Variants in SNX29 observed in about 807,000 individuals in gnomAD.
The protein encoded by SNX29 is sorting nexin-29.
Under a neutral mutation model 102.1 loss-of-function variants are expected in SNX29, and 78 were observed. The ratio of observed to expected loss-of-function variants is 0.76; its 90% CI spans 0.64 to 0.92. The LOEUF (loss-of-function observed/expected upper bound fraction) is 0.92. Among genes scored for constraint, SNX29 ranks in the 40% least tolerant of loss-of-function variants. The pLI is 0.00. For synonymous variants in SNX29, 580 were observed against 414.5 expected (o/e 1.40, Z -4.85); for missense variants, 1,280 against 1,061.7 (o/e 1.21, Z -2.86).
intron 14 of SNX29, among the ~76,000 whole-genome samples, chr16:12,211,762 T>TTTTGTTTG (rs913462010): frequency 2.6e-5 from 4 of 152,170 alleles, no homozygotes; most frequent in African/African-American, 4.8e-5. Context: ...AACCTCCGTT[T>TTTTGTTTG]TTTGTTTGTT....
At chr16:12,544,382 C>T (rs954038360) in intron 20 of SNX29, among the ~76,000 whole-genome samples, 11 of 152,118 alleles carry the variant, frequency 7.2e-5, no homozygotes, top group East Asian at 1.9e-4. Flanking sequence ...GAGTGGAAGG[C>T]GTTGTGAGGT....
At chr16:12,539,282 T>C (rs2077217300) in intron 20 of SNX29, among the ~76,000 whole-genome samples, 3 of 151,570 alleles carry the variant, frequency 2.0e-5, no homozygotes, top group Admixed American at 2.0e-4. Flanking sequence ...AGCTGCACCC[T>C]CCCCCACCTC....
intron 11 of SNX29, among the ~76,000 whole-genome samples, chr16:12,109,706 G>T (rs1233164967): frequency 6.6e-6 from 1 of 151,776 alleles, no homozygotes; most frequent in Non-Finnish European, 1.5e-5. Context: ...AAGGCTCAAG[G>T]GTTAACCTGT....
intron 13 of SNX29, among the ~76,000 whole-genome samples, chr16:12,198,733 G>C (rs996232339): frequency 6.6e-5 from 10 of 152,198 alleles, no homozygotes; most frequent in African/African-American, 2.4e-4. Context: ...TGGCGACCTT[G>C]GTCAAACACC....
intron 3 of SNX29, among the ~76,000 whole-genome samples, chr16:12,010,296 G>A (rs1485636107): frequency 2.0e-5 from 3 of 152,168 alleles, no homozygotes; most frequent in Non-Finnish European, 4.4e-5. Flanking sequence ...GTGGCAGTGA[G>A]TTGGCTTCAG....
At chr16:12,532,300 G>A (rs2076952887) in intron 20 of SNX29, among the ~76,000 whole-genome samples, 1 of 152,210 alleles carries the variant, frequency 6.6e-6, no homozygotes, top group Non-Finnish European at 1.5e-5. Flanking sequence ...TTGGCATTCT[G>A]GACACCAGAC....
In SNX29 at chr16:12,568,573, TC is replaced by T. The variant is rs1342184645; in HGVS notation, c.2389del (p.Arg797GlyfsTer47). The T allele has an allele frequency of 6.2e-7, 1 of 1,607,722 alleles. No homozygotes were observed. The highest frequency in any genetic ancestry group is 1.3e-5 in the African/African-American group (1 of 74,882). On this transcript the variant is annotated frameshift_variant, in exon 21 of 21. Coordinates refer to ENST00000566228, the MANE Select transcript of SNX29 (RefSeq NM_032167.5). LOFTEE classifies it high-confidence loss of function. Reference sequence around the variant, plus strand: ...AGCAGCTTCCCGCTTCCCCAAACTGTCCCGGGGTCAGCCCCGGGAGACCCGC... The same window carrying T: ...AGCAGCTTCCCGCTTCCCCAAACTGTCCGGGGTCAGCCCCGGGAGACCCGC... ...PKAASRFPKLSRGQPRETRNV... is the reference protein window; with the variant it reads ...PKAASRFPKLXRGQPRETRNV...
chr16:12,175,920 T>G (rs989518395), intron 13 of SNX29, among the ~76,000 whole-genome samples: 8 of 152,092 alleles, frequency 5.3e-5, no homozygotes, highest in Non-Finnish European at 1.2e-4. Context: ...GCAGGGAGAT[T>G]GCTTGAGCCC....
intron 13 of SNX29, among the ~76,000 whole-genome samples, chr16:12,147,521 A>T (rs1013360485): frequency 2.6e-5 from 4 of 152,166 alleles, no homozygotes; most frequent in Non-Finnish European, 5.9e-5. Flanking sequence ...GTTTTGAGGG[A>T]TACCAAAAGA....
intron 13 of SNX29, among the ~76,000 whole-genome samples, chr16:12,184,239 C>A (rs1489288188): frequency 6.6e-6 from 1 of 152,168 alleles, no homozygotes; most frequent in African/African-American, 2.4e-5. Flanking sequence ...ATTCACGGTT[C>A]CCTGATTGTT....
chr16:12,535,828 C>T (rs1175346033), intron 20 of SNX29, among the ~76,000 whole-genome samples: 2 of 152,128 alleles, frequency 1.3e-5, no homozygotes, highest in Non-Finnish European at 2.9e-5. Flanking sequence ...CCACTTTGGC[C>T]TCTCAGTGCT....
intron 20 of SNX29, among the ~76,000 whole-genome samples, chr16:12,541,069 T>G (rs185590780): frequency 6.6e-6 from 1 of 152,186 alleles, no homozygotes; most frequent in South Asian, 2.1e-4. Flanking sequence ...TCCTGAGTTA[T>G]TGACTAGCTG....
intron 18 of SNX29, among the ~76,000 whole-genome samples, chr16:12,426,418 A>G (rs368206790): frequency 6.6e-5 from 10 of 152,112 alleles, no homozygotes; most frequent in African/African-American, 2.4e-4. Flanking sequence ...CTCAAAACAC[A>G]TGGTCAGGCC....
chr16:12,421,646 C>G (rs929678237), intron 18 of SNX29, among the ~76,000 whole-genome samples: 1 of 152,116 alleles, frequency 6.6e-6, no homozygotes, highest in Non-Finnish European at 1.5e-5. Context: ...ATGGGAAGTT[C>G]TTAGGAAACA....
At chr16:12,542,578 C>A (rs143275648) in intron 20 of SNX29, among the ~76,000 whole-genome samples, 3 of 152,126 alleles carry the variant, frequency 2.0e-5, no homozygotes, top group South Asian at 2.1e-4. Context: ...GTGATCCACC[C>A]GCCTCAGCCT....
intron 11 of SNX29, among the ~76,000 whole-genome samples, chr16:12,110,371 G>T (rs533754576): frequency 1.3e-5 from 2 of 152,240 alleles, no homozygotes; most frequent in African/African-American, 4.8e-5. Context: ...TAATTTTCTA[G>T]CTCTGAAGGT....
intron 20 of SNX29, among the ~76,000 whole-genome samples, chr16:12,540,351 C>T (rs142126324): frequency 6.6e-6 from 1 of 152,156 alleles, no homozygotes; most frequent in Non-Finnish European, 1.5e-5. Context: ...GGAACGTTAT[C>T]CCCTGTATTA....
chr16:12,116,300 C>T (rs1195399395), intron 11 of SNX29, among the ~76,000 whole-genome samples: 4 of 152,160 alleles, frequency 2.6e-5, no homozygotes, highest in Non-Finnish European at 5.9e-5. Flanking sequence ...GGAAACAGCT[C>T]AGTATAAATG....
At chr16:12,213,779 C>T (rs929917198) in intron 14 of SNX29, among the ~76,000 whole-genome samples, 3 of 151,232 alleles carry the variant, frequency 2.0e-5, no homozygotes, top group African/African-American at 7.4e-5. Context: ...TTAAGTAAAC[C>T]CTGAACAGGT....
Sources: gnomAD v4.1 joint callset for allele counts (sites outside exome capture counted in the v4.1 genomes callset) on GRCh38, gnomAD v4.1.1 for gene constraint, MANE v1.5 for transcripts, NCBI Gene and HGNC (gene_info 2026-07-23, HGNC 2026-07-21) for gene names.